Variants in ZNG1E observed in about 807,000 individuals in gnomAD.
The protein encoded by ZNG1E is zinc-regulated GTPase metalloprotein activator 1E.
At chr9:65,674,322 C>G in the ZNG1E span, among the ~76,000 whole-genome samples, 1 of 152,246 alleles carries the variant, frequency 6.6e-6, no homozygotes, top group Admixed American at 6.5e-5. Flanking sequence ...TAAATACTTT[C>G]AAGTTATATG....
the ZNG1E span, among the ~76,000 whole-genome samples, chr9:65,721,031 C>CA: frequency 6.8e-6 from 1 of 147,696 alleles, no homozygotes; most frequent in Non-Finnish European, 1.5e-5. Context: ...TATAGTTGAA[C>CA]ATGAAGCACA....
the ZNG1E span, among the ~76,000 whole-genome samples, chr9:65,662,109 C>T: frequency 1.3e-5 from 2 of 152,230 alleles, no homozygotes; most frequent in Admixed American, 6.6e-5. Flanking sequence ...ATGTCATGTG[C>T]CTCCTGAAGT....
chr9:65,686,765 C>T, the ZNG1E span, among the ~76,000 whole-genome samples: 1 of 152,248 alleles, frequency 6.6e-6, no homozygotes, highest in Non-Finnish European at 1.5e-5. Flanking sequence ...TCCCCTTGCA[C>T]TTTTATGTTA....
the ZNG1E span, among the ~76,000 whole-genome samples, chr9:65,709,315 T>C: frequency 6.6e-6 from 1 of 151,386 alleles, no homozygotes; most frequent in South Asian, 2.1e-4. Context: ...TTTATTTTTT[T>C]ATTTTTTATT....
chr9:65,659,093 C>T, the ZNG1E span, among the ~76,000 whole-genome samples: 1 of 152,236 alleles, frequency 6.6e-6, no homozygotes, highest in Non-Finnish European at 1.5e-5. Context: ...TGTTTCCGTG[C>T]TCAGAAGACA....
the ZNG1E span, among the ~76,000 whole-genome samples, chr9:65,691,700 C>A: frequency 6.6e-6 from 1 of 152,174 alleles, no homozygotes; most frequent in Non-Finnish European, 1.5e-5. Flanking sequence ...CATATTTTTG[C>A]TTTTATTTTC....
chr9:65,681,234 A>G, the ZNG1E span, among the ~76,000 whole-genome samples: 1,374 of 152,088 alleles, frequency 9.0e-3, no homozygotes, highest in Non-Finnish European at 0.014. Context: ...AGAATCCAGT[A>G]TATAAAACAT....
chr9:65,689,499 C>T, the ZNG1E span, among the ~76,000 whole-genome samples: 2 of 141,934 alleles, frequency 1.4e-5, no homozygotes, highest in African/African-American at 5.6e-5. Flanking sequence ...GTCCATTCAT[C>T]TTTACTCCTC....
the ZNG1E span, chr9:65,706,463 C>CTT: frequency 2.5e-5 from 2 of 79,364 alleles, no homozygotes; most frequent in African/African-American, 1.5e-4. Context: ...TCTTTTTTTT[C>CTT]TTTTTTTTTT....
chr9:65,711,969 G>GA, the ZNG1E span, among the ~76,000 whole-genome samples: 1 of 126,560 alleles, frequency 7.9e-6, no homozygotes, highest in East Asian at 2.3e-4. Context: ...ATTCGGCTGT[G>GA]AATCTATCTG....
the ZNG1E span, among the ~76,000 whole-genome samples, chr9:65,667,370 G>A: frequency 1.3e-5 from 2 of 152,244 alleles, no homozygotes; most frequent in African/African-American, 2.4e-5. Context: ...TAAAGTATAT[G>A]GGTAGAATCA....
At chr9:65,686,559 C>A in the ZNG1E span, among the ~76,000 whole-genome samples, 1 of 151,966 alleles carries the variant, frequency 6.6e-6, no homozygotes, top group Non-Finnish European at 1.5e-5. Context: ...TGGCTTGAAC[C>A]CGGGAGGCGG....
At chr9:65,691,192 C>T in the ZNG1E span, among the ~76,000 whole-genome samples, 1 of 151,246 alleles carries the variant, frequency 6.6e-6, no homozygotes, top group Non-Finnish European at 1.5e-5. Flanking sequence ...AAGTGATTCT[C>T]CTGCCTCAGC....
At chr9:65,681,430 C>G in the ZNG1E span, 4 of 1,599,108 alleles carry the variant, frequency 2.5e-6, no homozygotes, top group Admixed American at 5.3e-5. Context: ...ATTTAGATAT[C>G]AAGGCTGCAT....
chr9:65,684,022 C>T, the ZNG1E span, among the ~76,000 whole-genome samples: 3 of 152,376 alleles, frequency 2.0e-5, no homozygotes, highest in Admixed American at 6.5e-5. Flanking sequence ...TTTAATTAAA[C>T]ACGATTCAGC....
At chr9:65,660,892 A>G in the ZNG1E span, among the ~76,000 whole-genome samples, 3 of 145,688 alleles carry the variant, frequency 2.1e-5, no homozygotes, top group Non-Finnish European at 3.0e-5. Flanking sequence ...ACATAAACAA[A>G]CTCAAGTGTC....
At chr9:65,675,556 G>C in the ZNG1E span, among the ~76,000 whole-genome samples, 1 of 148,934 alleles carries the variant, frequency 6.7e-6, no homozygotes, top group South Asian at 2.1e-4. Flanking sequence ...AAATCAAGTT[G>C]ATAAAATCTA....
At chr9:65,684,267 T>G in the ZNG1E span, among the ~76,000 whole-genome samples, 1 of 151,800 alleles carries the variant, frequency 6.6e-6, no homozygotes, top group African/African-American at 2.4e-5. Context: ...CTGGGCATGG[T>G]GGCTCATGCC....
chr9:65,717,918 C>T, the ZNG1E span, among the ~76,000 whole-genome samples: 4 of 146,074 alleles, frequency 2.7e-5, no homozygotes, highest in Non-Finnish European at 5.9e-5. Flanking sequence ...AACTCCTGGG[C>T]TTAAGTGATC....
Sources: gnomAD v4.1 joint callset for allele counts (sites outside exome capture counted in the v4.1 genomes callset) on GRCh38, gnomAD v4.1.1 for gene constraint, MANE v1.5 for transcripts, NCBI Gene and HGNC (gene_info 2026-07-23, HGNC 2026-07-21) for gene names.